Variants in COL22A1 observed in about 807,000 individuals in gnomAD.
COL22A1 encodes collagen alpha-1(XXII) chain.
COL22A1 carries 221 observed loss-of-function variants against 248.9 expected under a neutral mutation model. That is an observed-to-expected ratio of 0.89 (90% CI 0.80 to 0.99). COL22A1 has a LOEUF of 0.99. COL22A1 is among the 50% of genes least tolerant of loss of function. COL22A1 has a pLI of 0.00. For synonymous variants in COL22A1, 891 were observed against 793.4 expected (o/e 1.12, Z -2.07); for missense variants, 2,240 against 2,179.0 (o/e 1.03, Z -0.56).
At chr8:138,834,363 G>T (rs1820277778) in intron 4 of COL22A1, among the ~76,000 whole-genome samples, 1 of 150,554 alleles carries the variant, frequency 6.6e-6, no homozygotes, top group Non-Finnish European at 1.5e-5. Flanking sequence ...AAAAAAAACA[G>T]GAAATGGACT....
At chr8:138,781,597 T>C (rs1815012332) in intron 12 of COL22A1, among the ~76,000 whole-genome samples, 1 of 152,204 alleles carries the variant, frequency 6.6e-6, no homozygotes, top group African/African-American at 2.4e-5. Flanking sequence ...ACACATGACA[T>C]GAATAAACAC....
intron 22 of COL22A1, among the ~76,000 whole-genome samples, chr8:138,748,757 A>G (rs949777686): frequency 6.6e-6 from 1 of 152,228 alleles, no homozygotes; most frequent in African/African-American, 2.4e-5. Flanking sequence ...GCACCATTGC[A>G]TGGGTGGCTG....
chr8:138,830,936 T>A (rs116061634), intron 5 of COL22A1, among the ~76,000 whole-genome samples: 2,059 of 152,252 alleles, frequency 0.014, 36 homozygotes, highest in African/African-American at 0.047. Flanking sequence ...CATAATAACA[T>A]CCTCCAGCAC....
At chr8:138,722,510 C>A (rs1296171578) in intron 25 of COL22A1, among the ~76,000 whole-genome samples, 1 of 152,216 alleles carries the variant, frequency 6.6e-6, no homozygotes, top group Non-Finnish European at 1.5e-5. Context: ...TCCTCCCTTC[C>A]TCTTGTCCTT....
chr8:138,815,692 G>A (rs1818624209), intron 7 of COL22A1, among the ~76,000 whole-genome samples: 1 of 152,172 alleles, frequency 6.6e-6, no homozygotes, highest in African/African-American at 2.4e-5. Context: ...CGAGGGCAAG[G>A]TCTCCTGTCT....
chr8:138,825,663 T>TA (rs1482425761), intron 6 of COL22A1: 2 of 152,238 alleles, frequency 1.3e-5, no homozygotes, highest in African/African-American at 4.8e-5. Flanking sequence ...GCTCACTGTT[T>TA]AAGAGTATCT....
chr8:138,812,815 C>T (rs1818353853), intron 8 of COL22A1, 124 bp downstream of exon 8: 1 of 763,588 alleles, frequency 1.3e-6, no homozygotes, highest in African/African-American at 1.7e-5. Context: ...CCCTCTCAGG[C>T]CATATTCTGA....
chr8:138,810,850 G>A (rs552734843), intron 9 of COL22A1, among the ~76,000 whole-genome samples: 2 of 152,258 alleles, frequency 1.3e-5, no homozygotes, highest in Admixed American at 6.5e-5. Flanking sequence ...AACTCCCACC[G>A]TCATCTCGTC....
intron 3 of COL22A1, among the ~76,000 whole-genome samples, chr8:138,869,678 A>C (rs377474330): frequency 2.0e-5 from 3 of 152,238 alleles, no homozygotes; most frequent in African/African-American, 7.2e-5. Flanking sequence ...AATCATAATT[A>C]AGTAATTCAA....
chr8:138,718,342 T>C (rs973883708), intron 27 of COL22A1, among the ~76,000 whole-genome samples: 12 of 152,198 alleles, frequency 7.9e-5, no homozygotes, highest in African/African-American at 2.7e-4. Context: ...TCTGCTAGAA[T>C]AGTAGCACAT....
chr8:138,595,245 G>A (rs959674663), intron 62 of COL22A1, among the ~76,000 whole-genome samples: 1 of 152,088 alleles, frequency 6.6e-6, no homozygotes, highest in African/African-American at 2.4e-5. Context: ...CAGGTGGTTG[G>A]CTTCTGCGAC....
chr8:138,743,573 G>T (rs761144018), intron 22 of COL22A1, among the ~76,000 whole-genome samples: 4 of 152,112 alleles, frequency 2.6e-5, no homozygotes, highest in South Asian at 4.1e-4. Flanking sequence ...AGATGTAGCA[G>T]CGGCTATGTA....
chr8:138,748,912 A>T (rs890441559), intron 22 of COL22A1, among the ~76,000 whole-genome samples: 1 of 152,128 alleles, frequency 6.6e-6, no homozygotes, highest in African/African-American at 2.4e-5. Flanking sequence ...GACTCCCATA[A>T]TTCCCACGTG....
At position 138,811,936 on chromosome 8, in the gene COL22A1, CAGG is replaced by C; in HGVS notation, c.1327-18_1327-16del. 6.5e-7 allele frequency: 1 copy of C among 1,532,138 alleles called. No individual in the cohort carries two copies. The allele number at this position is 1,532,138 out of a possible 1,614,324, so 94.9% of individuals were successfully genotyped here. ...GTCACCTGGCACTGGAAGGAAAGCC[CAGG>C]AGGTCAGAACCTGGCTCTTCACTCA... On this transcript the variant is annotated splice_polypyrimidine_tract_variant and intron_variant, in intron 8 of 64. Transcript: ENST00000303045.
chr8:138,760,364 G>T, intron 17 of COL22A1, 77 bp from the exon 18 acceptor site: 2 of 1,353,806 alleles, frequency 1.5e-6, no homozygotes, highest in South Asian at 1.3e-5. Flanking sequence ...GAAACAGGTT[G>T]AAAGACAGCT....
chr8:138,881,107 T>C (rs1824168620), intron 2 of COL22A1, among the ~76,000 whole-genome samples: 2 of 152,188 alleles, frequency 1.3e-5, no homozygotes, highest in African/African-American at 2.4e-5. Flanking sequence ...GGCCCACCAT[T>C]TTCTACTATG....
chr8:138,838,856 A>G (rs1820645934), intron 4 of COL22A1, among the ~76,000 whole-genome samples: 2 of 152,168 alleles, frequency 1.3e-5, no homozygotes, highest in African/African-American at 4.8e-5. Context: ...GTGGTGTCAG[A>G]AGACCTTAGT....
At chr8:138,885,894 G>A (rs1008725185) in intron 1 of COL22A1, among the ~76,000 whole-genome samples, 1 of 152,172 alleles carries the variant, frequency 6.6e-6, no homozygotes, top group African/African-American at 2.4e-5. Context: ...CTTTGTAGAT[G>A]CATTTCTTCA....
At chr8:138,660,534 C>T (rs1332926659) in intron 43 of COL22A1, 54 bp from the exon 44 acceptor site, 5 of 1,486,292 alleles carry the variant, frequency 3.4e-6, no homozygotes, top group Non-Finnish European at 4.7e-6. Context: ...GATCCTGACC[C>T]ACTCTACCCA....
Sources: allele counts gnomAD v4.1 joint callset (sites outside exome capture counted in the v4.1 genomes callset), GRCh38; gene constraint gnomAD v4.1.1; transcripts MANE v1.5; gene names NCBI Gene and HGNC (gene_info 2026-07-23, HGNC 2026-07-21).